The following CPQ variants were observed in gnomAD, a reference collection of about 807,000 sequenced individuals.
CPQ encodes carboxypeptidase Q.
Under a neutral mutation model 45.7 loss-of-function variants are expected in CPQ, and 37 were observed. That is an observed-to-expected ratio of 0.81 (90% CI 0.62 to 1.07). CPQ has a LOEUF of 1.07. CPQ is among the 50% of genes least tolerant of loss of function. CPQ has a pLI of 0.00. For synonymous variants in CPQ, 186 were observed against 205.8 expected (o/e 0.90, Z 0.82); for missense variants, 537 against 572.9 (o/e 0.94, Z 0.64).
chr8:96,662,633 C>T (rs998509770), intron 1 of CPQ, among the ~76,000 whole-genome samples: 1 of 152,144 alleles, frequency 6.6e-6, no homozygotes. Flanking sequence ...TCTGTTAAGA[C>T]CCAGTTTTGG....
intron 1 of CPQ, among the ~76,000 whole-genome samples, chr8:96,657,188 T>C (rs1012052523): frequency 6.6e-6 from 1 of 152,010 alleles, no homozygotes; most frequent in East Asian, 1.9e-4. Context: ...CTACTAAAAA[T>C]ACAAAAATTA....
At chr8:96,912,958 T>A (rs1812687376) in intron 4 of CPQ, among the ~76,000 whole-genome samples, 1 of 152,142 alleles carries the variant, frequency 6.6e-6, no homozygotes, top group Admixed American at 6.5e-5. Context: ...ATAATGACAT[T>A]CTCACTCTGT....
At chr8:97,095,819 C>A (rs370127433) in intron 7 of CPQ, among the ~76,000 whole-genome samples, 7 of 152,100 alleles carry the variant, frequency 4.6e-5, no homozygotes, top group African/African-American at 1.7e-4. Flanking sequence ...TCATGTCTCC[C>A]TTTAGTATCT....
intron 7 of CPQ, among the ~76,000 whole-genome samples, chr8:97,099,083 T>G (rs887380767): frequency 2.0e-5 from 3 of 151,154 alleles, no homozygotes; most frequent in Non-Finnish European, 4.4e-5. Flanking sequence ...AGATGAGTTT[T>G]CTGGAAGAAG....
At chr8:96,821,903 A>G (rs1270697796) in intron 2 of CPQ, among the ~76,000 whole-genome samples, 1 of 151,942 alleles carries the variant, frequency 6.6e-6, no homozygotes, top group Non-Finnish European at 1.5e-5. Flanking sequence ...CATACTTAAC[A>G]TTTTTTTGTG....
rs1321093124 is a variant in CPQ, at chr8:97,078,112, A to G, written c.1255+11902A>G. On this transcript the variant is annotated intron_variant, in intron 7 of 7. Transcript: ENST00000220763. ...TGTGTTTCATTCCATTGTAGTAGCT[A>G]TTTTATTGATGCTCAAATTGTCCCA... Among the ~76,000 whole-genome samples, 47 of 152,160 alleles carry G rather than the reference A, an allele frequency of 3.1e-4. 1 individual carries two copies. The highest frequency in any genetic ancestry group is 3.1e-3 in the Admixed American group (47 of 15,262).
At chr8:96,666,105 G>T (rs1315024975) in intron 1 of CPQ, among the ~76,000 whole-genome samples, 1 of 152,104 alleles carries the variant, frequency 6.6e-6, no homozygotes, top group Admixed American at 6.5e-5. Context: ...GTAGGCTTAG[G>T]TTTGGCTAGT....
At chr8:96,883,160 G>A (rs75935914) in intron 4 of CPQ, among the ~76,000 whole-genome samples, 2,871 of 152,144 alleles carry the variant, frequency 0.019, 43 homozygotes, top group South Asian at 0.028. Context: ...ATGACAATTC[G>A]TTTATCCATT....
At chr8:96,730,336 C>A (rs1273769092) in intron 1 of CPQ, among the ~76,000 whole-genome samples, 2 of 152,088 alleles carry the variant, frequency 1.3e-5, no homozygotes. Context: ...ATAGAAAATT[C>A]TTAGTGGTCT....
chr8:96,858,794 C>A (rs1345057953), intron 3 of CPQ, among the ~76,000 whole-genome samples: 3 of 152,132 alleles, frequency 2.0e-5, no homozygotes, highest in Non-Finnish European at 4.4e-5. Context: ...CCTTGACTAC[C>A]CACACCACCC....
intron 4 of CPQ, among the ~76,000 whole-genome samples, chr8:96,907,418 T>TCC (rs1812593329): frequency 6.6e-6 from 1 of 152,026 alleles, no homozygotes; most frequent in Non-Finnish European, 1.5e-5. Flanking sequence ...CTAGTGAGCT[T>TCC]AAAAACACCA....
At chr8:96,819,149 C>A (rs1243317389) in intron 2 of CPQ, among the ~76,000 whole-genome samples, 1 of 152,044 alleles carries the variant, frequency 6.6e-6, no homozygotes, top group Non-Finnish European at 1.5e-5. Context: ...TATCATCACA[C>A]AATTACCTTT....
At chr8:96,746,547 T>C (rs538295898) in intron 1 of CPQ, among the ~76,000 whole-genome samples, 1 of 152,324 alleles carries the variant, frequency 6.6e-6, no homozygotes, top group Non-Finnish European at 1.5e-5. Context: ...TCTTTATCCT[T>C]ACTGCTAATC....
intron 1 of CPQ, among the ~76,000 whole-genome samples, chr8:96,693,235 TAGAA>T (rs565698306): frequency 2.4e-4 from 36 of 150,310 alleles, no homozygotes; most frequent in African/African-American, 7.8e-4. Context: ...TTATTAGCCT[TAGAA>T]AGGAGGAAGG....
intron 2 of CPQ, among the ~76,000 whole-genome samples, chr8:96,834,056 T>G (rs1386032620): frequency 6.6e-6 from 1 of 152,224 alleles, no homozygotes; most frequent in Non-Finnish European, 1.5e-5. Context: ...ACCACTTTCT[T>G]TCTTTTAGAT....
chr8:96,774,647 CCCACAGT>C (rs764191849), intron 1 of CPQ, among the ~76,000 whole-genome samples: 22 of 152,038 alleles, frequency 1.4e-4, no homozygotes, highest in Non-Finnish European at 3.1e-4. Flanking sequence ...CCGAAAAAAC[CCCACAGT>C]CATTTCTAAC....
intron 1 of CPQ, among the ~76,000 whole-genome samples, chr8:96,679,634 C>G (rs980072179): frequency 1.3e-5 from 2 of 151,980 alleles, no homozygotes; most frequent in Non-Finnish European, 2.9e-5. Flanking sequence ...CTTCCTGGCT[C>G]ATTCTTTGTA....
At chr8:97,074,799 G>C (rs980902583) in intron 7 of CPQ, among the ~76,000 whole-genome samples, 4 of 151,882 alleles carry the variant, frequency 2.6e-5, no homozygotes, top group Non-Finnish European at 5.9e-5. Context: ...GAAGAGGGTA[G>C]AGAAGGACAT....
At position 97,029,513 on chromosome 8, in the gene CPQ, A is replaced by G. The variant is rs1345492163; in HGVS notation, c.1053+19A>G. The stretch of plus-strand genomic sequence containing the variant: ...ACACAAGGTAAAAACCCAGCTGTGG[A>G]TTGCTAAGCATTTGTACATGTAATA... On this transcript the variant is annotated intron_variant, in intron 6 of 7. Coordinates refer to ENST00000220763, the MANE Select transcript of CPQ (RefSeq NM_016134.4). 1 of 1,575,944 alleles carries G rather than the reference A, an allele frequency of 6.3e-7. No homozygotes were observed. Among genetic ancestry groups the G allele is most frequent in the Admixed American group, 1.8e-5 (1 of 56,774 alleles).
Sources: gnomAD v4.1 joint callset for allele counts (sites outside exome capture counted in the v4.1 genomes callset) on GRCh38, gnomAD v4.1.1 for gene constraint, MANE v1.5 for transcripts, NCBI Gene and HGNC (gene_info 2026-07-23, HGNC 2026-07-21) for gene names.